SOWAHB: variants seen among roughly 807,000 people sequenced by gnomAD.
SOWAHB encodes ankyrin repeat domain-containing protein SOWAHB.
A neutral mutation model predicts 18.3 loss-of-function variants in SOWAHB; 17 were observed. That is an observed-to-expected ratio of 0.93 (90% confidence interval 0.64 to 1.40). The LOEUF is 1.40. Among genes scored for constraint, SOWAHB ranks in the 40% most tolerant of loss-of-function variants. The pLI is 0.00. For synonymous variants in SOWAHB, 496 were observed against 448.1 expected, an observed-to-expected ratio of 1.11 and a Z score of -1.35; for missense variants, 1,126 against 1,033.7, an observed-to-expected ratio of 1.09 and a Z score of -1.22.
At position 76,896,753 on chromosome 4, in the gene SOWAHB, G is replaced by C. The variant is rs774599059; in HGVS notation, c.1097C>G (p.Pro366Arg). Residue 366 changes from proline to arginine, a missense_variant, in exon 1 of 1, where the codon CCG becomes CGG. Pro to Arg is a moderately radical substitution (Grantham distance 103). Transcript: ENST00000334306. Reference sequence around the variant, plus strand: ...CGCCCAGGATTCCCAGGACTCATCCGGAACAACAGGAAAGAGAGAGTGCGA... The same window carrying C: ...CGCCCAGGATTCCCAGGACTCATCCCGAACAACAGGAAAGAGAGAGTGCGA... ...LSSHSLFPVV[P>R]DESWESWAGN... The C allele has an allele frequency of 1.5e-5, 25 of 1,613,760 alleles. No homozygotes were observed. Among genetic ancestry groups the C allele is most frequent in the Non-Finnish European group, 2.0e-5 (24 of 1,180,028 alleles).
chr4:76,896,489 C>T lies in SOWAHB; in HGVS notation c.1361G>A (p.Ser454Asn), dbSNP rs773947724. ...CCCTCTGTTTCTGAGACCCTGAGGGCTCCGGCTGGGGCTGCCCTCCTTCCG... is the reference window on the plus strand; with the variant it reads ...CCCTCTGTTTCTGAGACCCTGAGGGTTCCGGCTGGGGCTGCCCTCCTTCCG... ...VSRKEGSPSR[S>N]PQGLRNRGDG... is the part of the protein sequence containing the mutation. Residue 454 changes from serine (S) to asparagine (N), a missense_variant, in exon 1 of 1, where the codon AGC (serine) becomes AAC (asparagine). Coordinates refer to ENST00000334306, the MANE Select transcript of SOWAHB (RefSeq NM_001029870.3). 6 of 1,613,008 alleles carry T rather than the reference C, an allele frequency of 3.7e-6. No homozygotes were observed. In the Admixed American group the frequency reaches 1.0e-4, roughly 27 times the overall value.
Position 76,895,635 on chromosome 4 carries a change from C to A in SOWAHB, c.2215G>T (p.Gly739Ter). 6.2e-7 allele frequency: 1 copy of A among 1,614,208 alleles called. No homozygotes were observed. Among genetic ancestry groups the A allele is most frequent in the Non-Finnish European group, 8.5e-7 (1 of 1,180,046 alleles). ...GCCTTTCTGGTAGGGGAAGAACTTC[C>A]AACTAAGGGATAGACAGGGAAAATG... is the stretch of plus-strand genomic sequence containing the variant. ...KPIFPVYPLV[G>*]SSSPTRKAKS... is the part of the protein sequence containing the mutation. Residue 739 changes from glycine (G) to a stop codon, truncating the protein, a stop_gained, in exon 1 of 1, where the codon GGA becomes TGA. Coordinates refer to ENST00000334306, the MANE Select transcript of SOWAHB (RefSeq NM_001029870.3). LOFTEE classifies it high-confidence loss of function.
chr4:76,895,514 T>A lies in SOWAHB; in HGVS notation c.2336A>T (p.Tyr779Phe). ...TTCCCTTGGACTGTGGAATTTCTCA[T>A]ACTGGTTGGCCAGTTTCCACTTGTT... ...QHNKWKLANQ[Y>F]EKFHSPRERE... is the part of the protein sequence containing the mutation. Residue 779 changes from tyrosine to phenylalanine, a missense_variant, in exon 1 of 1, where the codon TAT becomes TTT. Physicochemically the swap from Tyr to Phe is conservative, Grantham distance 22. Transcript: ENST00000334306. 1 of 1,613,662 alleles carries A rather than the reference T, an allele frequency of 6.2e-7. No individual in the cohort carries two copies. Among genetic ancestry groups the A allele is most frequent in the East Asian group, 2.2e-5 (1 of 44,890 alleles).
chr4:76,895,145 C>T lies in SOWAHB; in HGVS notation c.*323G>A, dbSNP rs1560660701. On this transcript the variant is annotated 3_prime_UTR_variant, in exon 1 of 1. Transcript: ENST00000334306. ...ACATCTGTTCCCTCTCTAGCCAAGG[C>T]CTGGGACTCCTGCTTCAGGAAACAA... The T allele has an allele frequency of 1.4e-5, 3 of 220,688 alleles. No individual in the cohort carries two copies. Among genetic ancestry groups the T allele is most frequent in the East Asian group, 1.0e-4 (1 of 9,978 alleles). 13.7% of individuals were successfully genotyped at this position (220,688 alleles called of 1,614,324 possible).
rs1235871208 is a variant in SOWAHB at position 76,897,715 on chromosome 4, CT to C, written c.134del (p.Gln45ArgfsTer202). 6.2e-7 allele frequency: 1 copy of C among 1,610,768 alleles called. No homozygotes were observed. ...AGCCCTTGAAGAGCTCGCGGCGGTG[CT>C]GGTGCTGGCTGGGGGACGCGTCGGG... Reference protein sequence around the residue: ...RDPDASPSQHQHRRELFKGFV... With the variant: ...RDPDASPSQHXHRRELFKGFV... On this transcript the variant is annotated frameshift_variant, in exon 1 of 1. Transcript: ENST00000334306. LOFTEE classifies it low-confidence loss of function (END_TRUNC). The surrounding 1 kb of genome is among the most constrained non-coding windows in gnomAD (Gnocchi z 6.4).
Position 76,895,949 on chromosome 4 carries a change from G to A in SOWAHB, c.1901C>T (p.Ala634Val), listed in dbSNP as rs1217291902. ...LHKDFLTGYT[A>V]LHWIAKHGDL... ...ACCATGTTTGGCTATCCAGTGCAAC[G>A]CAGTGTACCCAGTCAAAAAGTCTTT... Residue 634 changes from alanine to valine, a missense_variant, in exon 1 of 1, where the codon GCG becomes GTG. Ala to Val is a moderately conservative substitution (Grantham distance 64). Transcript: ENST00000334306. 5.6e-6 allele frequency: 9 copies of A among 1,614,042 alleles called. No individual in the cohort carries two copies. The highest frequency in any genetic ancestry group is 5.3e-5 in the African/African-American group (4 of 74,940).
rs777715281 is a variant in SOWAHB at position 76,896,565 on chromosome 4, T to A, written c.1285A>T (p.Thr429Ser). The change falls in exon 1 of 1, where the codon ACC (threonine) becomes TCC (serine). Residue 429 changes from threonine (T) to serine (S), a missense_variant. Transcript: ENST00000334306. Reference protein sequence around the residue: ...SEEGLQVVLGTPDRGKLRNPA... With the variant: ...SEEGLQVVLGSPDRGKLRNPA... Reference sequence around the variant, plus strand: ...TTCCTGAGCTTCCCCCTATCTGGGGTTCCCAAGACAACCTGCAGCCCCTCT... The same window carrying A: ...TTCCTGAGCTTCCCCCTATCTGGGGATCCCAAGACAACCTGCAGCCCCTCT... 3 of 1,613,332 alleles carry A rather than the reference T, an allele frequency of 1.9e-6. No homozygotes were observed. The highest frequency in any genetic ancestry group is 1.3e-5 in the African/African-American group (1 of 74,986).
At position 76,896,812 on chromosome 4, in the gene SOWAHB, C is replaced by G; in HGVS notation, c.1038G>C (p.Glu346Asp). Residue 346 changes from glutamate to aspartate, a missense_variant, in exon 1 of 1, where the codon GAG (glutamate) becomes GAC (aspartate). Glu to Asp is a conservative substitution (Grantham distance 45). Coordinates refer to ENST00000334306, the MANE Select transcript of SOWAHB (RefSeq NM_001029870.3). Reference sequence around the variant, plus strand: ...AGGGGTCTGGCGGCTCTGAATTAGGCTCCGTGGAGCCGGGTTCCAAGGGCA... The same window carrying G: ...AGGGGTCTGGCGGCTCTGAATTAGGGTCCGTGGAGCCGGGTTCCAAGGGCA... ...LQLPLEPGSTEPNSEPPDPCL... is the reference protein window; with the variant it reads ...LQLPLEPGSTDPNSEPPDPCL... 6.2e-7 allele frequency: 1 copy of G among 1,613,910 alleles called. No homozygotes were observed. The highest frequency in any genetic ancestry group is 8.5e-7 in the Non-Finnish European group (1 of 1,180,052).
Position 76,897,617 on chromosome 4 carries a change from C to T in SOWAHB, c.233G>A (p.Arg78Lys), listed in dbSNP as rs1217710278. 6.2e-7 allele frequency: 1 copy of T among 1,611,380 alleles called. No individual in the cohort carries two copies. Among genetic ancestry groups the T allele is most frequent in the Non-Finnish European group, 8.5e-7 (1 of 1,179,828 alleles). ...CAGCCCCTCCTCCCCCAAAAGGTCC[C>T]TGTATCTCCTCTTGAGCACCACGTA... is the stretch of plus-strand genomic sequence containing the variant. ...TKYVVLKRRY[R>K]DLLGEEGLQR... is the part of the protein sequence containing the mutation. Residue 78 changes from arginine to lysine, a missense_variant, in exon 1 of 1, where the codon AGG (arginine) becomes AAG (lysine). Transcript: ENST00000334306. This position sits in a 1 kb window ranked among gnomAD's most constrained non-coding sequence, Gnocchi z 6.4.
Position 76,897,405 on chromosome 4 carries a change from G to A in SOWAHB, c.445C>T (p.Pro149Ser). 3 of 1,524,622 alleles carry A rather than the reference G, an allele frequency of 2.0e-6. No homozygotes were observed. Among genetic ancestry groups the A allele is most frequent in the East Asian group, 2.6e-5 (1 of 38,696 alleles). The allele number at this position is 1,524,622 out of a possible 1,614,324, so 94.4% of individuals were successfully genotyped here. The change falls in exon 1 of 1, where the codon CCG (proline) becomes TCG (serine). Residue 149 changes from proline to serine, a missense_variant. Pro to Ser is a moderately conservative substitution (Grantham distance 74). Coordinates refer to ENST00000334306, the MANE Select transcript of SOWAHB (RefSeq NM_001029870.3). The surrounding 1 kb of genome is among the most constrained non-coding windows in gnomAD (Gnocchi z 6.4). ...RAADAACNGL[P>S]GSDSRRAPGK... ...GGCGCCCTACGGGAGTCGCTGCCCG[G>A]GAGTCCATTGCAAGCTGCGTCGGCG... is the stretch of plus-strand genomic sequence containing the variant.
chr4:76,896,014 C>G lies in SOWAHB; in HGVS notation c.1836G>C (p.Val612=), dbSNP rs1287403495. 1 of 1,613,110 alleles carries G rather than the reference C, an allele frequency of 6.2e-7. No homozygotes were observed. Among genetic ancestry groups the G allele is most frequent in the Non-Finnish European group, 8.5e-7 (1 of 1,179,746 alleles). ...VKLASGSWIQ[V]WTLFWEDPQL... ...GAGGGTCCTCCCAGAACAAAGTCCA[C>G]ACCTGAATCCAGGAGCCACTGGCAA... Residue 612 remains valine, a synonymous_variant, in exon 1 of 1, where the codon GTG becomes GTC. Coordinates refer to ENST00000334306, the MANE Select transcript of SOWAHB (RefSeq NM_001029870.3).
chr4:76,897,367 G>A lies in SOWAHB; in HGVS notation c.483C>T (p.Gly161=). Residue 161 remains glycine (G), a synonymous_variant, in exon 1 of 1, where the codon GGC becomes GGT. Transcript: ENST00000334306. The surrounding 1 kb of genome is among the most constrained non-coding windows in gnomAD (Gnocchi z 6.4). The stretch of plus-strand genomic sequence containing the variant: ...TCTGTCCGGGACTGCCCTTCGATCC[G>A]CCGCCCTTCCCGGGCGCCCTACGGG... ...SDSRRAPGKG[G]GSKGSPGQRP... is the part of the protein sequence containing the mutation. The A allele has an allele frequency of 4.6e-6, 7 of 1,529,714 alleles. No individual in the cohort carries two copies. The highest frequency in any genetic ancestry group is 6.1e-6 in the Non-Finnish European group (7 of 1,144,994). The allele number at this position is 1,529,714 out of a possible 1,614,324, so 94.8% of individuals were successfully genotyped here. A position where few individuals can be genotyped will look rare whatever the true frequency, so the allele number is the denominator to read the frequency against.
rs35397009 is a variant in SOWAHB, at chr4:76,894,977, TA to T, written c.*490del. The T allele has an allele frequency of 0.04, 6,102 of 152,780 alleles. 182 individuals are homozygous for T. Among genetic ancestry groups the T allele is most frequent in the East Asian group, 0.14 (722 of 5,180 alleles). 9.5% of individuals were successfully genotyped at this position (152,780 alleles called of 1,614,324 possible). On this transcript the variant is annotated 3_prime_UTR_variant, in exon 1 of 1. Coordinates refer to ENST00000334306, the MANE Select transcript of SOWAHB (RefSeq NM_001029870.3). ...GATTTAAATGCCAAAAAAAGAAAAA[TA>T]AAGCCATCTGATTTCAAACCTGGTG...
rs1437686737 is a variant in SOWAHB at position 76,896,528 on chromosome 4, C to T, written c.1322G>A (p.Gly441Asp). Residue 441 changes from glycine (G) to aspartate (D), a missense_variant, in exon 1 of 1, where the codon GGC (glycine) becomes GAC (aspartate). Transcript: ENST00000334306. ...DRGKLRNPAG[G>D]LSVSRKEGSP... Reference sequence around the variant, plus strand: ...GCCCTCCTTCCGAGATACAGAAAGGCCCCCAGCTGGATTCCTGAGCTTCCC... The same window carrying T: ...GCCCTCCTTCCGAGATACAGAAAGGTCCCCAGCTGGATTCCTGAGCTTCCC... 3.1e-6 allele frequency: 5 copies of T among 1,612,718 alleles called. No individual in the cohort carries two copies. In the Admixed American group the frequency reaches 6.7e-5, roughly 22 times the overall value.
At position 76,897,238 on chromosome 4, in the gene SOWAHB, G is replaced by C; in HGVS notation, c.612C>G (p.Asn204Lys). 1.3e-6 allele frequency: 2 copies of C among 1,580,610 alleles called. No homozygotes were observed. The highest frequency in any genetic ancestry group is 1.7e-6 in the Non-Finnish European group (2 of 1,171,624). ...GRCCWECLQN[N>K]LAVLPGELGA... ...CGAGCTCTCCCGGCAGTACAGCCAG[G>C]TTGTTCTGGAGGCATTCCCAGCAGC... Residue 204 changes from asparagine (N) to lysine (K), a missense_variant, in exon 1 of 1, where the codon AAC becomes AAG. Coordinates refer to ENST00000334306, the MANE Select transcript of SOWAHB (RefSeq NM_001029870.3). The surrounding 1 kb of genome is among the most constrained non-coding windows in gnomAD (Gnocchi z 6.4).
Position 76,896,835 on chromosome 4 carries a change from G to A in SOWAHB, c.1015C>T (p.Pro339Ser). 3.7e-6 allele frequency: 6 copies of A among 1,613,804 alleles called. No individual in the cohort carries two copies. Among genetic ancestry groups the A allele is most frequent in the Non-Finnish European group, 5.1e-6 (6 of 1,180,036 alleles). Residue 339 changes from proline to serine, a missense_variant, in exon 1 of 1, where the codon CCC becomes TCC. By Grantham distance (74) the Pro-to-Ser change is moderately conservative. Coordinates refer to ENST00000334306, the MANE Select transcript of SOWAHB (RefSeq NM_001029870.3). The part of the protein sequence containing the change: ...SVLPDNFLQL[P>S]LEPGSTEPNS... Reference sequence around the variant, plus strand: ...GGCTCCGTGGAGCCGGGTTCCAAGGGCAGCTGGAGGAAGTTGTCTGGCAGC... The same window carrying A: ...GGCTCCGTGGAGCCGGGTTCCAAGGACAGCTGGAGGAAGTTGTCTGGCAGC...
In SOWAHB at chr4:76,897,088, T is replaced by C; in HGVS notation, c.762A>G (p.Ala254=). The change falls in exon 1 of 1, where the codon GCA becomes GCG. Residue 254 remains alanine (A), a synonymous_variant. Transcript: ENST00000334306. This position sits in a 1 kb window ranked among gnomAD's most constrained non-coding sequence, Gnocchi z 6.4. ...CGGTGGCGGGAGGCGAGTGAGCCACTGCAGGCACAGGCGCCGGCTCAGCTA... is the reference window on the plus strand; with the variant it reads ...CGGTGGCGGGAGGCGAGTGAGCCACCGCAGGCACAGGCGCCGGCTCAGCTA... ...GALAEPAPVP[A]VAHSPPATVE... The C allele has an allele frequency of 6.5e-7, 1 of 1,537,628 alleles. No individual in the cohort carries two copies. The highest frequency in any genetic ancestry group is 1.4e-5 in the African/African-American group (1 of 73,358).
rs1719976706 is a variant in SOWAHB at position 76,897,948 on chromosome 4, CG to C, written c.-100del. 7.0e-6 allele frequency: 9 copies of C among 1,293,248 alleles called. No individual in the cohort carries two copies. Among genetic ancestry groups the C allele is most frequent in the Non-Finnish European group, 9.3e-6 (9 of 962,730 alleles). 80.1% of individuals were successfully genotyped at this position (1,293,248 alleles called of 1,614,324 possible). On this transcript the variant is annotated 5_prime_UTR_variant, in exon 1 of 1. Transcript: ENST00000334306. This position sits in a 1 kb window ranked among gnomAD's most constrained non-coding sequence, Gnocchi z 6.4. The stretch of plus-strand genomic sequence containing the variant: ...TGGCCGGGCGAGTGTCACCTGCGCC[CG>C]GGGCGGCACTAGCCGCCCCCATCAG...
rs2645672 is a variant in SOWAHB, at chr4:76,894,564, C to A, written c.*904G>T. Among the ~76,000 whole-genome samples, 15,350 of 152,240 alleles carry A rather than the reference C, an allele frequency of 0.1. 848 individuals carry two copies. The highest frequency in any genetic ancestry group is 0.13 in the African/African-American group (5,221 of 41,528). On this transcript the variant is annotated 3_prime_UTR_variant, in exon 1 of 1. Coordinates refer to ENST00000334306, the MANE Select transcript of SOWAHB (RefSeq NM_001029870.3). ...CCTTACTGTTTCCCCAGAGTGAAAT[C>A]ATTTCTCTCTTTTTATGAGTACAAA...
Sources: gnomAD v4.1 joint callset for allele counts (sites outside exome capture counted in the v4.1 genomes callset) on GRCh38, gnomAD v4.1.1 for gene constraint, Gnocchi (gnomAD v3.1) non-coding constraint, MANE v1.5 for transcripts, NCBI Gene and HGNC (gene_info 2026-07-23, HGNC 2026-07-21) for gene names.